The following COG7 variants were observed in gnomAD, a reference collection of about 807,000 sequenced individuals.
COG7 encodes conserved oligomeric Golgi complex subunit 7.
COG7 carries 49 observed loss-of-function variants against 91.5 expected under a neutral mutation model. The ratio of observed to expected loss-of-function variants is 0.54; its 90% CI spans 0.43 to 0.68. The LOEUF is 0.68. Among genes scored for constraint, COG7 ranks in the 30% least tolerant of loss-of-function variants. The probability of loss-of-function intolerance (pLI) is 0.00; values close to 1 mark genes in which losing one functional copy is unlikely to be tolerated. For synonymous variants in COG7, 365 were observed against 388.7 expected (o/e 0.94, Z 0.72); for missense variants, 895 against 961.3 (o/e 0.93, Z 0.91).
At chr16:23,422,022 T>C (rs1963765877) in intron 7 of COG7, among the ~76,000 whole-genome samples, 1 of 152,076 alleles carries the variant, frequency 6.6e-6, no homozygotes, top group Non-Finnish European at 1.5e-5. Context: ...AAAATGGTAG[T>C]AAATTGGCCA....
intron 7 of COG7, among the ~76,000 whole-genome samples, chr16:23,422,825 T>C (rs1333165810): frequency 6.6e-6 from 1 of 151,958 alleles, no homozygotes; most frequent in African/African-American, 2.4e-5. Flanking sequence ...GGTGGATTGC[T>C]TGAGGCAAGG....
Position 23,418,768 on chromosome 16 carries a change from G to A in COG7, c.1069C>T (p.Pro357Ser). The change falls in exon 8 of 17, where the codon CCC becomes TCC. Residue 357 changes from proline to serine, a missense_variant. Transcript: ENST00000307149. ...ATGTCGCCATACTTCAGCTGGTAGG[G>A]TTTGTATGGATCATACACAGCATCC... ...LVDAVYDPYK[P>S]YQLKYGDMEE... 6.2e-7 allele frequency: 1 copy of A among 1,612,802 alleles called. No individual in the cohort carries two copies.
intron 4 of COG7, among the ~76,000 whole-genome samples, chr16:23,440,752 C>T (rs1057363898): frequency 3.3e-5 from 5 of 152,006 alleles, no homozygotes; most frequent in South Asian, 2.1e-4. Context: ...CCACTGCACC[C>T]GGCCGAGAAC....
At chr16:23,450,827 T>C (rs1964254063) in intron 1 of COG7, among the ~76,000 whole-genome samples, 1 of 150,324 alleles carries the variant, frequency 6.7e-6, no homozygotes, top group African/African-American at 2.4e-5. Flanking sequence ...TGAGACCCTG[T>C]CTCAAAAAAA....
intron 6 of COG7, among the ~76,000 whole-genome samples, chr16:23,431,172 C>T (rs1052523120): frequency 1.3e-5 from 2 of 152,138 alleles, no homozygotes; most frequent in Non-Finnish European, 1.5e-5. Context: ...ATTCACTGTA[C>T]AATTCCCTCA....
At chr16:23,424,703 G>A (rs1439231593) in intron 7 of COG7, 46 bp downstream of exon 7, 1 of 1,590,158 alleles carries the variant, frequency 6.3e-7, no homozygotes, top group African/African-American at 1.3e-5. Context: ...GCTTCAGAAA[G>A]AGCGAGTAAA....
At position 23,398,132 on chromosome 16, in the gene COG7, A is replaced by T. The variant is rs1281743480; in HGVS notation, c.1804-3T>A. 6.2e-7 allele frequency: 1 copy of T among 1,613,830 alleles called. No individual in the cohort carries two copies. Among genetic ancestry groups the T allele is most frequent in the African/African-American group, 1.3e-5 (1 of 75,016 alleles). On this transcript the variant is annotated splice_region_variant and splice_polypyrimidine_tract_variant and intron_variant, in intron 13 of 16. Transcript: ENST00000307149. ...CCGATGCCAGCCGTATTCCAGCTCT[A>T]AGGGTGGAACGAGAGGACACAATCA... is the stretch of plus-strand genomic sequence containing the variant.
chr16:23,404,341 G>A (rs1357010574), intron 12 of COG7, among the ~76,000 whole-genome samples: 1 of 152,234 alleles, frequency 6.6e-6, no homozygotes. Context: ...AGAAAATAGA[G>A]ATGGAAAGTG....
rs567307217 is a variant in COG7 at position 23,409,088 on chromosome 16, T to TGTGTGCGCGCGC, written c.1475+1206_1475+1207insGCGCGCGCACAC. ...GCGTGTGTGTGTGTGTGTGTGTGTG[T>TGTGTGCGCGCGC]GCGTGCATGTGTGTGTGTGTGTGTG... On this transcript the variant is annotated intron_variant, in intron 11 of 16. Coordinates refer to ENST00000307149, the MANE Select transcript of COG7 (RefSeq NM_153603.4). 5.3e-3 allele frequency among the ~76,000 whole-genome samples: 778 copies of TGTGTGCGCGCGC among 147,908 alleles called. 6 individuals carry two copies. Among genetic ancestry groups the TGTGTGCGCGCGC allele is most frequent in the African/African-American group, 0.018 (727 of 39,556 alleles).
Position 23,389,093 on chromosome 16 carries a change from G to A in COG7, c.2147-7C>T. 6.2e-7 allele frequency: 1 copy of A among 1,613,382 alleles called. No homozygotes were observed. The highest frequency in any genetic ancestry group is 8.5e-7 in the Non-Finnish European group (1 of 1,179,836). On this transcript the variant is annotated splice_polypyrimidine_tract_variant and splice_region_variant and intron_variant, in intron 16 of 16. Transcript: ENST00000307149. ...ATCACGTTGATCAGATAGTCTGTGG[G>A]GGCGGAGAGGAGACAGACAGAGCTC...
At chr16:23,402,167 T>C (rs1190618955) in intron 13 of COG7, among the ~76,000 whole-genome samples, 1 of 152,238 alleles carries the variant, frequency 6.6e-6, no homozygotes, top group Non-Finnish European at 1.5e-5. Context: ...GTGCATATCT[T>C]GTTTTTCTTA....
intron 6 of COG7, among the ~76,000 whole-genome samples, chr16:23,432,132 G>C (rs1963944958): frequency 6.6e-6 from 1 of 152,070 alleles, no homozygotes; most frequent in Admixed American, 6.6e-5. Flanking sequence ...GCATGACAGA[G>C]CAAGACTCTG....
At chr16:23,413,251 A>G in intron 10 of COG7, 197 bp downstream of exon 10, 1 of 561,460 alleles carries the variant, frequency 1.8e-6, no homozygotes, top group Non-Finnish European at 3.2e-6. Context: ...TAAGAGCTGG[A>G]GGGGTCTTTT....
At chr16:23,443,214 A>T (rs1384769773) in intron 3 of COG7, among the ~76,000 whole-genome samples, 1 of 152,184 alleles carries the variant, frequency 6.6e-6, no homozygotes, top group African/African-American at 2.4e-5. Context: ...GTCTTTCTGG[A>T]AGGCAATTTA....
intron 14 of COG7, among the ~76,000 whole-genome samples, chr16:23,395,449 G>A (rs187503834): frequency 1.7e-3 from 262 of 152,300 alleles, no homozygotes; most frequent in Admixed American, 3.2e-3. Context: ...TAAGTCCACA[G>A]ACTCAGTTTT....
intron 12 of COG7, among the ~76,000 whole-genome samples, chr16:23,405,190 C>A (rs1461210843): frequency 2.6e-5 from 4 of 152,120 alleles, no homozygotes; most frequent in Non-Finnish European, 5.9e-5. Flanking sequence ...AAGAAAAAAA[C>A]CAGGAGGGAA....
At chr16:23,445,390 C>A (rs1214516918) in intron 2 of COG7, among the ~76,000 whole-genome samples, 1 of 152,064 alleles carries the variant, frequency 6.6e-6, no homozygotes, top group Non-Finnish European at 1.5e-5. Flanking sequence ...CAGTGGCTCA[C>A]GCCTGTAATC....
At chr16:23,448,125 C>G (rs1418592735) in intron 1 of COG7, among the ~76,000 whole-genome samples, 2 of 152,026 alleles carry the variant, frequency 1.3e-5, no homozygotes, top group African/African-American at 4.8e-5. Flanking sequence ...CCTTCCTCAT[C>G]GCAGACTTGG....
intron 14 of COG7, among the ~76,000 whole-genome samples, chr16:23,393,834 G>A (rs1031505774): frequency 6.6e-6 from 1 of 151,968 alleles, no homozygotes; most frequent in African/African-American, 2.4e-5. Context: ...CTGAGGTCAG[G>A]AGTTCAAGAC....
Sources: allele counts gnomAD v4.1 joint callset (sites outside exome capture counted in the v4.1 genomes callset), GRCh38; gene constraint gnomAD v4.1.1; transcripts MANE v1.5; gene names NCBI Gene and HGNC (gene_info 2026-07-23, HGNC 2026-07-21).